TTN: variants seen among roughly 807,000 people sequenced by gnomAD.
The protein encoded by TTN is connectin.
A neutral mutation model predicts 3,223.0 loss-of-function variants in TTN; 1,525 were observed. That is an observed-to-expected ratio of 0.47 (90% confidence interval 0.45 to 0.49). The LOEUF (loss-of-function observed/expected upper bound fraction) is 0.49. Among genes scored for constraint, TTN ranks in the 20% least tolerant of loss-of-function variants. The pLI is 0.00. For synonymous variants in TTN, 14,094 were observed against 15,161.0 expected, an observed-to-expected ratio of 0.93 and a Z score of 5.17; for missense variants, 40,786 against 43,424.0, an observed-to-expected ratio of 0.94 and a Z score of 5.40.
At chr2:178,771,596 G>T in intron 33 of TTN, 125 bp from the exon 34 acceptor site, 24 of 1,393,540 alleles carry the variant, frequency 1.7e-5, no homozygotes, top group Admixed American at 7.4e-5. Context: ...AAATGTCTAT[G>T]ATTGTTTTTA....
chr2:178,739,270 C>G lies in TTN; in HGVS notation c.13963G>C (p.Asp4655His), dbSNP rs1299692717. The change falls in exon 48 of 363, where the codon GAT becomes CAT. Residue 4655 changes from aspartate (D) to histidine (H), a missense_variant. Coordinates refer to ENST00000589042, the MANE Select transcript of TTN (RefSeq NM_001267550.2). ...PSDEKFKCLQ[D>H]QNTYTLVIDK... Reference sequence around the variant, plus strand: ...ATGACTAGCGTATATGTATTTTGATCTTGTAAACACTTGAACTTTTCATCT... The same window carrying G: ...ATGACTAGCGTATATGTATTTTGATGTTGTAAACACTTGAACTTTTCATCT... The G allele has an allele frequency of 2.5e-6, 4 of 1,610,786 alleles. No homozygotes were observed. Among genetic ancestry groups the G allele is most frequent in the Non-Finnish European group, 3.4e-6 (4 of 1,177,736 alleles).
chr2:178,671,233 TA>T lies in TTN; in HGVS notation c.35228-64del. On this transcript the variant is annotated intron_variant, in intron 155 of 362. Coordinates refer to ENST00000589042, the MANE Select transcript of TTN (RefSeq NM_001267550.2). ...TTGAAGTATTTTGGAGCACTACTAC[TA>T]ACGTTAGTACAATGAGGGGTCACAA... The T allele has an allele frequency of 5.7e-6, 7 of 1,230,422 alleles. No homozygotes were observed. In the South Asian group the frequency reaches 1.1e-4, roughly 19 times the overall value. 76.2% of individuals were successfully genotyped at this position (1,230,422 alleles called of 1,614,324 possible). A position where few individuals can be genotyped will look rare whatever the true frequency, so the allele number is the denominator to read the frequency against.
intron 47 of TTN, chr2:178,750,720 C>T: frequency 6.2e-7 from 1 of 1,612,706 alleles, no homozygotes; most frequent in Non-Finnish European, 8.5e-7. Flanking sequence ...CTAGCTATTT[C>T]TTCACTTTCT....
intron 2 of TTN, among the ~76,000 whole-genome samples, chr2:178,804,320 T>C (rs922699225): frequency 6.6e-6 from 1 of 152,208 alleles, no homozygotes; most frequent in Non-Finnish European, 1.5e-5. Flanking sequence ...ACACTAATTA[T>C]TTTTGCTTTG....
chr2:178,535,549 A>G lies in TTN; in HGVS notation c.101066T>C (p.Val33689Ala). The change falls in exon 358 of 363, where the codon GTT (valine) becomes GCT (alanine). Residue 33689 changes from valine to alanine, a missense_variant. Physicochemically the swap from Val to Ala is moderately conservative, Grantham distance 64. Transcript: ENST00000589042. ...TTTGACTCCTCTGGGTGGGTCAGGA[A>G]CATCAGCCACATCCAGTTCAACTGT... Reference protein sequence around the residue: ...QKTVELDVADVPDPPRGVKVS... With the variant: ...QKTVELDVADAPDPPRGVKVS... The G allele has an allele frequency of 6.2e-7, 1 of 1,613,890 alleles. No individual in the cohort carries two copies. The highest frequency in any genetic ancestry group is 8.5e-7 in the Non-Finnish European group (1 of 1,179,822).
chr2:178,633,547 G>A lies in TTN; in HGVS notation c.42812C>T (p.Pro14271Leu). ...KWFKDGEEIVPSPKYSIKADG... is the reference protein window; with the variant it reads ...KWFKDGEEIVLSPKYSIKADG... ...TGCCTTGATAGAATATTTGGGTGAA[G>A]GGACAATCTCTTCACCATCTTTGAA... Residue 14271 changes from proline to leucine, a missense_variant, in exon 232 of 363, where the codon CCT (proline) becomes CTT (leucine). Transcript: ENST00000589042. The A allele has an allele frequency of 6.2e-7, 1 of 1,613,376 alleles. No individual in the cohort carries two copies. The highest frequency in any genetic ancestry group is 8.5e-7 in the Non-Finnish European group (1 of 1,179,594).
rs1268188135 is a variant in TTN, at chr2:178,631,017, C to A, written c.44014+17G>T. 1.2e-6 allele frequency: 2 copies of A among 1,612,716 alleles called. No individual in the cohort carries two copies. Among genetic ancestry groups the A allele is most frequent in the Non-Finnish European group, 1.7e-6 (2 of 1,179,514 alleles). On this transcript the variant is annotated intron_variant, in intron 237 of 362. Transcript: ENST00000589042. ...ACCCCAATGCTTCAAGAGTGAAACTCATGGAAATTTCCTTACCCTCAATGT... is the reference window on the plus strand; with the variant it reads ...ACCCCAATGCTTCAAGAGTGAAACTAATGGAAATTTCCTTACCCTCAATGT...
chr2:178,782,355 A>G lies in TTN; in HGVS notation c.3237T>C (p.Pro1079=). ...LTEEQAGPGE[P]AAPYFITKPV... The stretch of plus-strand genomic sequence containing the variant: ...GTTTTGTAATAAAGTAAGGCGCGGC[A>G]GGTTCTCCAGGCCCTGCTTGTTCCT... The change falls in exon 20 of 363, where the codon CCT becomes CCC. Residue 1079 remains proline (P), a synonymous_variant. Transcript: ENST00000589042. 6.2e-7 allele frequency: 1 copy of G among 1,614,082 alleles called. No homozygotes were observed. The highest frequency in any genetic ancestry group is 8.5e-7 in the Non-Finnish European group (1 of 1,179,996).
intron 25 of TTN, 48 bp downstream of exon 25, chr2:178,777,655 CT>C: frequency 1.2e-6 from 2 of 1,613,652 alleles, no homozygotes; most frequent in Non-Finnish European, 1.7e-6. Flanking sequence ...CATACATAAG[CT>C]TGTTTTTGTG....
chr2:178,789,927 T>C (rs1277542547), intron 12 of TTN, 51 bp downstream of exon 12: 2 of 1,608,566 alleles, frequency 1.2e-6, no homozygotes, highest in African/African-American at 2.7e-5. Flanking sequence ...AATAGTTTAC[T>C]AGAAATTAGT....
At position 178,640,121 on chromosome 2, in the gene TTN, TTAGAG is replaced by T; in HGVS notation, c.40724-16_40724-12del. On this transcript the variant is annotated splice_polypyrimidine_tract_variant and intron_variant, in intron 221 of 362. Transcript: ENST00000589042. Reference sequence around the variant, plus strand: ...GCTTGATTTCAGGCACTGAAATAATTTAGAGTAGAGGGCAGATTATTACAGGATTT... The same window carrying T: ...GCTTGATTTCAGGCACTGAAATAATTTAGAGGGCAGATTATTACAGGATTT... The T allele has an allele frequency of 1.2e-6, 2 of 1,611,498 alleles. No homozygotes were observed. Among genetic ancestry groups the T allele is most frequent in the Non-Finnish European group, 1.7e-6 (2 of 1,178,486 alleles).
At position 178,629,392 on chromosome 2, in the gene TTN, C is replaced by T. The variant is rs1342716683; in HGVS notation, c.44333G>A (p.Gly14778Glu). Residue 14778 changes from glycine (G) to glutamate (E), a missense_variant, in exon 240 of 363, where the codon GGG (glycine) becomes GAG (glutamate). Physicochemically the swap from Gly to Glu is moderately conservative, Grantham distance 98 (BLOSUM62 -2). Transcript: ENST00000589042. ...RPLKDVTVTAGETATFDCELS... is the reference protein window; with the variant it reads ...RPLKDVTVTAEETATFDCELS... ...CTCGCAGTCGAAGGTGGCTGTTTCCCCTGCAGTCACGGTGACATCCTTTAA... is the reference window on the plus strand; with the variant it reads ...CTCGCAGTCGAAGGTGGCTGTTTCCTCTGCAGTCACGGTGACATCCTTTAA... 5.0e-6 allele frequency: 8 copies of T among 1,612,876 alleles called. No individual in the cohort carries two copies. The highest frequency in any genetic ancestry group is 6.8e-6 in the Non-Finnish European group (8 of 1,179,336).
chr2:178,541,664 G>C, intron 349 of TTN, 80 bp from the exon 350 acceptor site: 1 of 1,314,918 alleles, frequency 7.6e-7, no homozygotes, highest in Non-Finnish European at 1.0e-6. Flanking sequence ...GTTTTCCTTA[G>C]GTTTTGGTTG....
Position 178,547,631 on chromosome 2 carries a change from T to A in TTN, c.93995A>T (p.Glu31332Val), listed in dbSNP as rs766706869. The stretch of plus-strand genomic sequence containing the variant: ...TTCAGTGCCTCCTCCATCTTTAGGT[T>A]CTCCCCATGACAGGACACACGATTC... ...SAESCVLSWG[E>V]PKDGGGTEIT... The change falls in exon 339 of 363, where the codon GAA becomes GTA. Residue 31332 changes from glutamate (E) to valine (V), a missense_variant. Transcript: ENST00000589042. 6 of 1,613,836 alleles carry A rather than the reference T, an allele frequency of 3.7e-6. No homozygotes were observed. Among genetic ancestry groups the A allele is most frequent in the South Asian group, 3.3e-5 (3 of 91,080 alleles).
chr2:178,722,872 G>T lies in TTN; in HGVS notation c.22027C>A (p.Gln7343Lys), dbSNP rs886043434. 6.2e-7 allele frequency: 1 copy of T among 1,613,046 alleles called. No individual in the cohort carries two copies. Among genetic ancestry groups the T allele is most frequent in the East Asian group, 2.2e-5 (1 of 44,778 alleles). ...EAAVGDSVSL[Q>K]CQVAGTPEIT... ...TCTGGTGTCCCAGCAACTTGGCATTGTAAAGAAACCGAATCTCCAACTGCT... is the reference window on the plus strand; with the variant it reads ...TCTGGTGTCCCAGCAACTTGGCATTTTAAAGAAACCGAATCTCCAACTGCT... Residue 7343 changes from glutamine to lysine, a missense_variant, in exon 76 of 363, where the codon CAA (glutamine) becomes AAA (lysine). Coordinates refer to ENST00000589042, the MANE Select transcript of TTN (RefSeq NM_001267550.2).
chr2:178,634,014 A>G lies in TTN; in HGVS notation c.42485T>C (p.Val14162Ala). ...CATTTTTTCATGAGAAAGTTCACAA[A>G]CAAAAGTTGCTGTTTCACCTTCTTT... ...TVKEGETATF[V>A]CELSHEKMHV... The change falls in exon 231 of 363, where the codon GTT (valine) becomes GCT (alanine). Residue 14162 changes from valine (V) to alanine (A), a missense_variant. Physicochemically the swap from Val to Ala is moderately conservative, Grantham distance 64. Coordinates refer to ENST00000589042, the MANE Select transcript of TTN (RefSeq NM_001267550.2). The surrounding 1 kb of genome is among the most constrained non-coding windows in gnomAD (Gnocchi z 4.6). 2 of 1,613,362 alleles carry G rather than the reference A, an allele frequency of 1.2e-6. No homozygotes were observed. The highest frequency in any genetic ancestry group is 8.5e-7 in the Non-Finnish European group (1 of 1,179,526).
At chr2:178,665,494 A>C in intron 164 of TTN, 34 bp from the exon 165 acceptor site, 1 of 1,601,770 alleles carries the variant, frequency 6.2e-7, no homozygotes, top group Non-Finnish European at 8.5e-7. Flanking sequence ...TTAGAGGTTA[A>C]AAGGATCAGT....
In TTN at chr2:178,602,249, A is replaced by T. The variant is rs574593918; in HGVS notation, c.55120+33T>A. 3.2e-5 allele frequency: 51 copies of T among 1,601,046 alleles called. No homozygotes were observed. In the South Asian group the frequency reaches 5.1e-4, roughly 16 times the overall value. ...TAATCAATTTCATAATAAGATCAAA[A>T]GAGGAATACATAAACTGAGTAAGTA... On this transcript the variant is annotated intron_variant, in intron 283 of 362. Transcript: ENST00000589042.
At chr2:178,668,978 A>G (rs1435717100) in intron 159 of TTN, among the ~76,000 whole-genome samples, 1 of 151,626 alleles carries the variant, frequency 6.6e-6, no homozygotes, top group African/African-American at 2.4e-5. Flanking sequence ...AATTATGGTT[A>G]TCAAGAGTAA....
Sources: allele counts gnomAD v4.1 joint callset (sites outside exome capture counted in the v4.1 genomes callset), GRCh38; gene constraint gnomAD v4.1.1; non-coding constraint Gnocchi (gnomAD v3.1); transcripts MANE v1.5; gene names NCBI Gene and HGNC (gene_info 2026-07-23, HGNC 2026-07-21).